ZFP91: variants seen among roughly 807,000 people sequenced by gnomAD.
ZFP91 encodes E3 ubiquitin-protein ligase ZFP91.
Under a neutral mutation model 63.5 loss-of-function variants are expected in ZFP91, and 7 were observed. That is an observed-to-expected ratio of 0.11 (90% CI 0.06 to 0.21). The LOEUF is 0.21. Ranked by LOEUF, ZFP91 falls within the 10% of genes least tolerant of loss-of-function variation. ZFP91 has a pLI of 1.00. For missense variants in ZFP91, 628 were observed against 736.6 expected (o/e 0.85, Z 1.71); for synonymous variants, 330 against 272.1 (o/e 1.21, Z -2.10).
At chr11:58,588,846 T>TA (rs1270706870) in intron 2 of ZFP91, among the ~76,000 whole-genome samples, 5 of 152,210 alleles carry the variant, frequency 3.3e-5, no homozygotes, top group African/African-American at 1.2e-4. Flanking sequence ...TTGTAATTCT[T>TA]ACCATTTGAG....
Position 58,584,889 on chromosome 11 carries a change from G to T in ZFP91, c.370+5G>T. 6.6e-7 allele frequency: 1 copy of T among 1,521,992 alleles called. No individual in the cohort carries two copies. Among genetic ancestry groups the T allele is most frequent in the Non-Finnish European group, 8.7e-7 (1 of 1,144,128 alleles). The allele number at this position is 1,521,992 out of a possible 1,614,324, so 94.3% of individuals were successfully genotyped here. ...AAAAAGTAACAACTGATAAAGGTAA[G>T]ACTTGGTCATCCTTACCTCTAGCGT... On this transcript the variant is annotated splice_donor_5th_base_variant and intron_variant, in intron 2 of 10. Transcript: ENST00000316059.
At position 58,610,308 on chromosome 11, in the gene ZFP91, A is replaced by T; in HGVS notation, c.591A>T (p.Glu197Asp). ...GCTTTGTTTTTCTAGATGTTGGAGA[A>T]GAGCATCAGTCTCCAGGTGGCATTA... ...NTDQLDYDVG[E>D]EHQSPGGISS... The change falls in exon 4 of 11, where the codon GAA becomes GAT. Residue 197 changes from glutamate (E) to aspartate (D), a missense_variant. Coordinates refer to ENST00000316059, the MANE Select transcript of ZFP91 (RefSeq NM_053023.5). 6.3e-7 allele frequency: 1 copy of T among 1,598,604 alleles called. No individual in the cohort carries two copies. The highest frequency in any genetic ancestry group is 2.2e-5 in the East Asian group (1 of 44,740).
Position 58,619,853 on chromosome 11 carries a change from G to A in ZFP91, c.*2147G>A, listed in dbSNP as rs552074582. The A allele has an allele frequency of 1.2e-4, 18 of 152,412 alleles. 1 individual carries two copies. The South Asian group carries it at 1.4e-3, about 12-fold the overall frequency. 9.4% of individuals were successfully genotyped at this position (152,412 alleles called of 1,614,324 possible). On this transcript the variant is annotated 3_prime_UTR_variant, in exon 11 of 11. Transcript: ENST00000316059. ...ATTGATTAGATGAATCTACAAAAAA[G>A]TTGTCCTCCTCTCAGGTCCCTTTTA...
intron 6 of ZFP91, 35 bp from the exon 7 acceptor site, chr11:58,612,243 G>A: frequency 6.2e-7 from 1 of 1,610,052 alleles, no homozygotes; most frequent in Non-Finnish European, 8.5e-7. Context: ...TTTTGATTCA[G>A]AATATGTCTA....
Position 58,601,574 on chromosome 11 carries a change from T to C in ZFP91, c.371-8256T>C, listed in dbSNP as rs185981756. On this transcript the variant is annotated intron_variant, in intron 2 of 10. Coordinates refer to ENST00000316059, the MANE Select transcript of ZFP91 (RefSeq NM_053023.5). ...TCTGCTCCTTTTTTCCTAGCTCTTA[T>C]GGGTATGATGTTAGGTTATTGATTC... 8.7e-4 allele frequency among the ~76,000 whole-genome samples: 133 copies of C among 152,210 alleles called. 1 individual carries two copies. Among genetic ancestry groups the C allele is most frequent in the Non-Finnish European group, 1.9e-4 (13 of 68,006 alleles).
chr11:58,610,908 C>T (rs546361411), intron 4 of ZFP91, 42 bp from the exon 5 acceptor site: 12 of 1,570,712 alleles, frequency 7.6e-6, no homozygotes, highest in East Asian at 4.5e-5. Flanking sequence ...CAGACATGTT[C>T]GCTACAACCA....
chr11:58,579,343 C>G lies in ZFP91; in HGVS notation c.62C>G (p.Ala21Gly). 1.3e-6 allele frequency: 2 copies of G among 1,494,008 alleles called. No homozygotes were observed. The highest frequency in any genetic ancestry group is 2.5e-5 in the South Asian group (2 of 79,406). The allele number at this position is 1,494,008 out of a possible 1,614,324, so 92.5% of individuals were successfully genotyped here. Reference protein sequence around the residue: ...PEQQDQEGGEAAKAAPEEPQQ... With the variant: ...PEQQDQEGGEGAKAAPEEPQQ... ...CAGCAGGACCAGGAAGGGGGAGAGGCGGCCAAGGCGGCTCCGGAGGAGCCC... is the reference window on the plus strand; with the variant it reads ...CAGCAGGACCAGGAAGGGGGAGAGGGGGCCAAGGCGGCTCCGGAGGAGCCC... The change falls in exon 1 of 11, where the codon GCG becomes GGG. Residue 21 changes from alanine to glycine, a missense_variant. By Grantham distance (60) the Ala-to-Gly change is moderately conservative. Coordinates refer to ENST00000316059, the MANE Select transcript of ZFP91 (RefSeq NM_053023.5).
intron 2 of ZFP91, among the ~76,000 whole-genome samples, chr11:58,606,745 G>A (rs150401345): frequency 3.9e-5 from 6 of 151,902 alleles, no homozygotes; most frequent in African/African-American, 9.7e-5. Context: ...TGGTCCTTTC[G>A]CTTATATTCA....
At chr11:58,582,476 A>G (rs925686655) in intron 1 of ZFP91, among the ~76,000 whole-genome samples, 2 of 152,222 alleles carry the variant, frequency 1.3e-5, no homozygotes, top group Non-Finnish European at 2.9e-5. Flanking sequence ...CAATCTTAGT[A>G]ATCAGCTGTT....
chr11:58,612,226 T>C (rs931899916), intron 6 of ZFP91, 52 bp from the exon 7 acceptor site: 1 of 1,583,428 alleles, frequency 6.3e-7, no homozygotes, highest in Non-Finnish European at 8.7e-7. Context: ...CAGCCTTCAC[T>C]GTGTAGTTTT....
rs370330167 is a variant in ZFP91 at position 58,605,670 on chromosome 11, ACTT to A, written c.371-4156_371-4154del. On this transcript the variant is annotated intron_variant, in intron 2 of 10. Transcript: ENST00000316059. The stretch of plus-strand genomic sequence containing the variant: ...GAGTATTCCTTGTTGCTTATGAGTC[ACTT>A]CTTGCTGTTTTTATGGTTCTTTGTA... Among the ~76,000 whole-genome samples the A allele has an allele frequency of 2.3e-3, 346 of 150,822 alleles. 1 individual carries two copies. Among genetic ancestry groups the A allele is most frequent in the African/African-American group, 7.9e-3 (323 of 40,982 alleles).
At chr11:58,612,373 C>G in intron 7 of ZFP91, 45 bp downstream of exon 7, 1 of 1,588,184 alleles carries the variant, frequency 6.3e-7, no homozygotes, top group Non-Finnish European at 8.6e-7. Flanking sequence ...ATTCCAGTAC[C>G]AGGCACTTTA....
chr11:58,584,968 T>C, intron 2 of ZFP91, 84 bp downstream of exon 2: 1 of 1,152,862 alleles, frequency 8.7e-7, no homozygotes, highest in African/African-American at 1.6e-5. Context: ...TTCAAATTGG[T>C]TCCCATTTAA....
chr11:58,588,755 A>G (rs556519923), intron 2 of ZFP91, among the ~76,000 whole-genome samples: 2 of 152,144 alleles, frequency 1.3e-5, no homozygotes, highest in South Asian at 2.1e-4. Flanking sequence ...TAGTATATTT[A>G]AAGAATATTT....
chr11:58,579,727 C>G (rs539802530), intron 1 of ZFP91, 105 bp downstream of exon 1: 24 of 1,128,106 alleles, frequency 2.1e-5, no homozygotes, highest in Non-Finnish European at 2.5e-5. Context: ...CCTGGTCTGC[C>G]CCCTGCCGGC....
chr11:58,604,084 T>A (rs1855533203), intron 2 of ZFP91, among the ~76,000 whole-genome samples: 1 of 152,154 alleles, frequency 6.6e-6, no homozygotes, highest in African/African-American at 2.4e-5. Context: ...GACATAAATT[T>A]TAGGGAACCA....
intron 2 of ZFP91, among the ~76,000 whole-genome samples, chr11:58,598,882 A>G (rs1226009084): frequency 1.3e-5 from 2 of 152,040 alleles, no homozygotes; most frequent in Admixed American, 6.6e-5. Context: ...TTGTACAACC[A>G]TCACTTCTAT....
At chr11:58,608,424 A>G (rs188046134) in intron 2 of ZFP91, among the ~76,000 whole-genome samples, 3 of 151,978 alleles carry the variant, frequency 2.0e-5, no homozygotes, top group East Asian at 2.0e-4. Flanking sequence ...ATTGGTCTGC[A>G]TGGAGGTTTT....
At chr11:58,586,101 G>C (rs962068859) in intron 2 of ZFP91, among the ~76,000 whole-genome samples, 4 of 152,046 alleles carry the variant, frequency 2.6e-5, no homozygotes, top group Non-Finnish European at 4.4e-5. Flanking sequence ...AAAATGGAAG[G>C]TCTCACATTT....
Sources: allele counts gnomAD v4.1 joint callset (sites outside exome capture counted in the v4.1 genomes callset), GRCh38; gene constraint gnomAD v4.1.1; transcripts MANE v1.5; gene names NCBI Gene and HGNC (gene_info 2026-07-23, HGNC 2026-07-21).